CAST: variants seen among roughly 807,000 people sequenced by gnomAD.
CAST encodes the protein calpastatin, also known as MIR583 host.
In CAST, 76 loss-of-function variants were observed where a neutral mutation model predicts 119.6. That is an observed-to-expected ratio of 0.64 (90% CI 0.53 to 0.77). The LOEUF (loss-of-function observed/expected upper bound fraction) is 0.77. Among genes scored for constraint, CAST ranks in the 30% least tolerant of loss-of-function variants. CAST has a pLI of 0.00. For missense variants in CAST, 953 were observed against 946.5 expected, an observed-to-expected ratio of 1.01 and a Z score of -0.09; for synonymous variants, 319 against 331.6, an observed-to-expected ratio of 0.96 and a Z score of 0.41.
chr5:96,742,815 G>T, intron 16 of CAST, 59 bp downstream of exon 16: 2 of 1,129,882 alleles, frequency 1.8e-6, no homozygotes, highest in Non-Finnish European at 2.7e-6. Flanking sequence ...AAAACCGAAT[G>T]CACTCTGCAT....
the CAST span, among the ~76,000 whole-genome samples, chr5:96,273,782 G>A: frequency 6.6e-6 from 1 of 152,142 alleles, no homozygotes; most frequent in South Asian, 2.1e-4. Context: ...ACACAATGTA[G>A]ATATCTCTTC....
the CAST span, among the ~76,000 whole-genome samples, chr5:96,162,545 G>A: frequency 1.3e-5 from 2 of 152,210 alleles, no homozygotes; most frequent in African/African-American, 4.8e-5. Context: ...AGCCTCCTGA[G>A]TAGCTGGGAT....
At chr5:96,398,251 C>A in the CAST span, among the ~76,000 whole-genome samples, 1 of 152,148 alleles carries the variant, frequency 6.6e-6, no homozygotes, top group Non-Finnish European at 1.5e-5. Flanking sequence ...TCACATATCA[C>A]CCACAGAAAC....
chr5:96,548,271 G>A (rs1037914363), intron 1 of CAST, among the ~76,000 whole-genome samples: 8 of 152,108 alleles, frequency 5.3e-5, no homozygotes, highest in Admixed American at 3.3e-4. Context: ...AAGGATTTGG[G>A]GTTTATGAAT....
chr5:96,622,114 C>T (rs909160759), intron 1 of CAST, among the ~76,000 whole-genome samples: 7 of 151,422 alleles, frequency 4.6e-5, no homozygotes, highest in Admixed American at 4.0e-4. Flanking sequence ...GGATTACAGG[C>T]ACCCACCACC....
chr5:96,521,177 A>G (rs1745511077), upstream of CAST, among the ~76,000 whole-genome samples: 1 of 152,220 alleles, frequency 6.6e-6, no homozygotes, highest in South Asian at 2.1e-4. Context: ...ACAGTGCTCA[A>G]CACCAAATAG....
chr5:96,494,834 T>C, the CAST span, among the ~76,000 whole-genome samples: 2 of 152,166 alleles, frequency 1.3e-5, no homozygotes, highest in African/African-American at 2.4e-5. Context: ...TAAAAGTGCG[T>C]TGGCCGGGCG....
the CAST span, among the ~76,000 whole-genome samples, chr5:96,040,157 G>A: frequency 6.6e-6 from 1 of 152,174 alleles, no homozygotes; most frequent in Non-Finnish European, 1.5e-5. Context: ...GTTCACTCAT[G>A]ATTTGGCTCT....
chr5:96,250,471 G>A, the CAST span, among the ~76,000 whole-genome samples: 1 of 151,994 alleles, frequency 6.6e-6, no homozygotes, highest in Non-Finnish European at 1.5e-5. Context: ...AAATGATAAG[G>A]GCAAAAGGCA....
the CAST span, among the ~76,000 whole-genome samples, chr5:95,999,296 A>G: frequency 6.6e-6 from 1 of 152,122 alleles, no homozygotes. Flanking sequence ...TCCATGACAT[A>G]ACATTTATTG....
the CAST span, among the ~76,000 whole-genome samples, chr5:96,178,677 G>A: frequency 3.6e-3 from 541 of 152,204 alleles, 2 homozygotes; most frequent in African/African-American, 0.013. Flanking sequence ...TGTTTGTTAT[G>A]GGGGAGCACT....
At chr5:96,699,921 G>C (rs75215052) in intron 3 of CAST, among the ~76,000 whole-genome samples, 41 of 152,296 alleles carry the variant, frequency 2.7e-4, no homozygotes, top group African/African-American at 9.9e-4. Context: ...AGAAGAAAGC[G>C]CAAACAACTT....
chr5:96,126,422 G>T, the CAST span, among the ~76,000 whole-genome samples: 1 of 151,960 alleles, frequency 6.6e-6, no homozygotes, highest in Non-Finnish European at 1.5e-5. Flanking sequence ...GTTGATTATT[G>T]ATTTATTTTC....
intron 1 of CAST, among the ~76,000 whole-genome samples, chr5:96,610,607 A>G (rs1453442601): frequency 6.6e-6 from 1 of 152,202 alleles, no homozygotes; most frequent in Non-Finnish European, 1.5e-5. Context: ...AAGAGCTGGA[A>G]CAAGATAAGG....
At chr5:96,371,860 G>T in the CAST span, among the ~76,000 whole-genome samples, 53 of 152,270 alleles carry the variant, frequency 3.5e-4, 1 homozygote, top group Non-Finnish European at 4.4e-4. Context: ...CAGGATTTAT[G>T]ACCATTACAG....
At chr5:96,278,570 G>A in the CAST span, 1 of 152,176 alleles carries the variant, frequency 6.6e-6, no homozygotes, top group Non-Finnish European at 1.5e-5. Context: ...AGTGATCATA[G>A]GATTTTGTAT....
the CAST span, chr5:95,961,700 C>T: frequency 6.2e-7 from 1 of 1,606,244 alleles, no homozygotes; most frequent in Non-Finnish European, 8.5e-7. Context: ...TCCCGCAGGC[C>T]CCCTGTCCCC....
chr5:96,180,777 G>T, the CAST span, among the ~76,000 whole-genome samples: 1 of 152,188 alleles, frequency 6.6e-6, no homozygotes, highest in African/African-American at 2.4e-5. Context: ...GAGGGAAATT[G>T]TCTAGCTGTG....
At chr5:96,703,020 A>T in intron 3 of CAST, 1 of 832,902 alleles carries the variant, frequency 1.2e-6, no homozygotes, top group Non-Finnish European at 1.4e-6. Context: ...TGGTCCCTGC[A>T]GCGGACTCCC....
Sources: allele counts gnomAD v4.1 joint callset (sites outside exome capture counted in the v4.1 genomes callset), GRCh38; gene constraint gnomAD v4.1.1; transcripts MANE v1.5; gene names NCBI Gene and HGNC (gene_info 2026-07-23, HGNC 2026-07-21).